GYS2: variants seen among roughly 807,000 people sequenced by gnomAD.
GYS2 encodes the protein glycogen [starch] synthase, liver.
GYS2 carries 80 observed loss-of-function variants against 85.6 expected under a neutral mutation model. That is an observed-to-expected ratio of 0.93 (90% CI 0.78 to 1.13). GYS2 has a LOEUF of 1.13. Ranked by LOEUF, GYS2 falls within the 50% of genes most tolerant of loss-of-function variation. The pLI is 0.00. For synonymous variants in GYS2, 328 were observed against 300.7 expected, an observed-to-expected ratio of 1.09 and a Z score of -0.94; for missense variants, 881 against 854.9, an observed-to-expected ratio of 1.03 and a Z score of -0.38.
At chr12:21,576,101 C>A in intron 2 of GYS2, 44 bp from the exon 3 acceptor site, 1 of 1,457,492 alleles carries the variant, frequency 6.9e-7, no homozygotes, top group Non-Finnish European at 9.6e-7. Flanking sequence ...TTAAGTCATG[C>A]AAGACAGGAC....
intron 1 of GYS2, among the ~76,000 whole-genome samples, chr12:21,599,950 C>G (rs1051070766): frequency 1.2e-4 from 19 of 152,046 alleles, no homozygotes; most frequent in Admixed American, 1.2e-3. Context: ...AACATTATTA[C>G]AGGTAGATTT....
At chr12:21,545,548 G>A (rs983028419) in intron 12 of GYS2, among the ~76,000 whole-genome samples, 1 of 152,314 alleles carries the variant, frequency 6.6e-6, no homozygotes, top group South Asian at 2.1e-4. Flanking sequence ...CTTTGCATTG[G>A]CATGTATTTA....
At chr12:21,575,834 C>T in intron 3 of GYS2, 32 bp downstream of exon 3, 1 of 1,528,814 alleles carries the variant, frequency 6.5e-7, no homozygotes, top group African/African-American at 1.4e-5. Flanking sequence ...TTGTGCTGCT[C>T]CTCCGTTGTA....
At chr12:21,582,216 T>C (rs1241072988) in intron 1 of GYS2, among the ~76,000 whole-genome samples, 3 of 152,136 alleles carry the variant, frequency 2.0e-5, no homozygotes, top group Non-Finnish European at 4.4e-5. Flanking sequence ...GACTGAAGGA[T>C]GCAAAGTAAT....
intron 1 of GYS2, among the ~76,000 whole-genome samples, chr12:21,582,395 C>T (rs1457660842): frequency 1.3e-5 from 2 of 152,100 alleles, no homozygotes; most frequent in Non-Finnish European, 2.9e-5. Context: ...ATTGGCTTGG[C>T]ATCCCAGCCT....
chr12:21,575,751 A>T (rs1217925919), intron 3 of GYS2, 115 bp downstream of exon 3: 3 of 820,770 alleles, frequency 3.7e-6, no homozygotes, highest in Non-Finnish European at 6.4e-6. Context: ...GTATTAGGAC[A>T]AGCCATAATG....
chr12:21,582,337 C>T (rs1047359700), intron 1 of GYS2, among the ~76,000 whole-genome samples: 20 of 152,098 alleles, frequency 1.3e-4, no homozygotes, highest in Non-Finnish European at 2.5e-4. Flanking sequence ...TAATCAGTTG[C>T]CAGCACAGCC....
chr12:21,559,747 T>G, intron 8 of GYS2, 37 bp from the exon 9 acceptor site: 1 of 1,241,212 alleles, frequency 8.1e-7, no homozygotes, highest in Non-Finnish European at 1.2e-6. Context: ...TTAAACAGTA[T>G]GACAATGTTT....
At chr12:21,579,002 C>T (rs181433244) in intron 2 of GYS2, among the ~76,000 whole-genome samples, 16 of 152,220 alleles carry the variant, frequency 1.1e-4, no homozygotes, top group South Asian at 2.1e-4. Flanking sequence ...TTTCTTACCA[C>T]GTATTTATTC....
chr12:21,555,515 A>T (rs1463269628), intron 11 of GYS2, among the ~76,000 whole-genome samples: 1 of 152,192 alleles, frequency 6.6e-6, no homozygotes, highest in African/African-American at 2.4e-5. Flanking sequence ...CTGGTTTTTA[A>T]ATAAACATAG....
At position 21,604,514 on chromosome 12, in the gene GYS2, C is replaced by G; in HGVS notation, c.79G>C (p.Glu27Gln). The G allele has an allele frequency of 6.2e-7, 1 of 1,612,832 alleles. No homozygotes were observed. Among genetic ancestry groups the G allele is most frequent in the Non-Finnish European group, 8.5e-7 (1 of 1,179,010 alleles). The change falls in exon 1 of 16, where the codon GAG becomes CAG. Residue 27 changes from glutamate to glutamine, a missense_variant. Transcript: ENST00000261195. ...QWEVEELPVE[E>Q]LLLFEVAWEV... ...CAAGCAACTTCAAAGAGCAGTAACT[C>G]CTCCACAGGAAGTTCTTCGACTTCC...
chr12:21,560,399 G>T lies in GYS2; in HGVS notation c.1156C>A (p.Arg386=), dbSNP rs146195866. The part of the protein sequence containing the change: ...NVETLKGQAV[R]KQLWDVAHSV... The stretch of plus-strand genomic sequence containing the variant: ...TTGTGAGATTACCACAGCTGTTTTC[G>T]CACTGCTTGTCCTTTCAGGGTTTCC... Residue 386 remains arginine (R), a synonymous_variant, in exon 8 of 16, where the codon CGA becomes AGA. Coordinates refer to ENST00000261195, the MANE Select transcript of GYS2 (RefSeq NM_021957.4). 5 of 1,588,954 alleles carry T rather than the reference G, an allele frequency of 3.1e-6. No individual in the cohort carries two copies. The highest frequency in any genetic ancestry group is 1.7e-5 in the Admixed American group (1 of 59,962).
intron 15 of GYS2, 31 bp downstream of exon 15, chr12:21,539,227 G>C (rs969702556): frequency 8.8e-7 from 1 of 1,137,110 alleles, no homozygotes; most frequent in Non-Finnish European, 1.3e-6. Flanking sequence ...AAGAAATATA[G>C]CTTTCAAAAA....
intron 5 of GYS2, among the ~76,000 whole-genome samples, chr12:21,565,663 A>T (rs1249219247): frequency 1.3e-5 from 2 of 151,222 alleles, no homozygotes; most frequent in Non-Finnish European, 2.9e-5. Flanking sequence ...AAATTAGTGT[A>T]TATAAGTTAT....
intron 10 of GYS2, 99 bp downstream of exon 10, chr12:21,558,992 C>T (rs531336334): frequency 1.4e-6 from 1 of 705,126 alleles, no homozygotes; most frequent in Non-Finnish European, 2.5e-6. Context: ...AGCCTCAGGT[C>T]TGAAAATGTT....
chr12:21,582,759 G>T (rs1053187137), intron 1 of GYS2, among the ~76,000 whole-genome samples: 2 of 152,098 alleles, frequency 1.3e-5, no homozygotes, highest in Non-Finnish European at 1.5e-5. Context: ...GGTTTCTGGA[G>T]TTGGCTGCTT....
chr12:21,569,889 A>G (rs752858304), intron 4 of GYS2, among the ~76,000 whole-genome samples: 1 of 152,206 alleles, frequency 6.6e-6, no homozygotes, highest in Non-Finnish European at 1.5e-5. Flanking sequence ...TGGAGAAGGA[A>G]ATTGAACCTT....
In GYS2 at chr12:21,560,511, ACACAGAGT is replaced by A. The variant is rs1453479759; in HGVS notation, c.1063-27_1063-20del. On this transcript the variant is annotated intron_variant, in intron 7 of 15. Coordinates refer to ENST00000261195, the MANE Select transcript of GYS2 (RefSeq NM_021957.4). Reference sequence around the variant, plus strand: ...TATGCATCTGATGAGGAATTAGAAAACACAGAGTCAACTATCAAAGATTTTTAAAAAGT... The same window carrying A: ...TATGCATCTGATGAGGAATTAGAAAACAACTATCAAAGATTTTTAAAAAGT... 9.0e-7 allele frequency: 1 copy of A among 1,108,628 alleles called. No individual in the cohort carries two copies. The highest frequency in any genetic ancestry group is 1.2e-5 in the South Asian group (1 of 80,990). 68.7% of individuals were successfully genotyped at this position (1,108,628 alleles called of 1,614,324 possible).
At chr12:21,562,322 C>G (rs907833164) in intron 7 of GYS2, among the ~76,000 whole-genome samples, 1 of 151,966 alleles carries the variant, frequency 6.6e-6, no homozygotes, top group African/African-American at 2.4e-5. Flanking sequence ...TGTGTCTGCC[C>G]TGTTCTATAG....
Sources: gnomAD v4.1 joint callset for allele counts (sites outside exome capture counted in the v4.1 genomes callset) on GRCh38, gnomAD v4.1.1 for gene constraint, MANE v1.5 for transcripts, NCBI Gene and HGNC (gene_info 2026-07-23, HGNC 2026-07-21) for gene names.